The following CCDC141 variants were observed in gnomAD, a reference collection of about 807,000 sequenced individuals.
CCDC141 encodes the protein coiled-coil domain containing 141, also known as coiled-coil domain-containing protein 141.
CCDC141 carries 168 observed loss-of-function variants against 181.0 expected under a neutral mutation model. The observed-to-expected ratio is 0.93, with a 90% CI of 0.82 to 1.05. The LOEUF is 1.05. Among genes scored for constraint, CCDC141 ranks in the 50% least tolerant of loss-of-function variants. The pLI, the probability that CCDC141 is intolerant of heterozygous loss-of-function variation, is 0.00. For missense variants in CCDC141, 1,902 were observed against 1,788.5 expected, an observed-to-expected ratio of 1.06 and a Z score of -1.14; for synonymous variants, 666 against 642.3, an observed-to-expected ratio of 1.04 and a Z score of -0.56.
At chr2:179,015,112 TA>T (rs2042420442) in intron 2 of CCDC141, among the ~76,000 whole-genome samples, 1 of 28,122 alleles carries the variant, frequency 3.6e-5, no homozygotes, top group Non-Finnish European at 1.3e-4. Flanking sequence ...ATAATATATA[TA>T]TAATCATATA....
intron 2 of CCDC141, among the ~76,000 whole-genome samples, chr2:179,006,164 A>T (rs1420711915): frequency 1.3e-5 from 2 of 152,206 alleles, no homozygotes; most frequent in Non-Finnish European, 2.9e-5. Flanking sequence ...CCCTCACTGG[A>T]GTTCTTCCCC....
At chr2:178,982,590 G>A (rs981192192) in intron 2 of CCDC141, among the ~76,000 whole-genome samples, 8 of 152,200 alleles carry the variant, frequency 5.3e-5, no homozygotes, top group African/African-American at 9.7e-5. Context: ...GACAGGGGGC[G>A]CAGGTCAGTG....
At chr2:178,969,905 C>T (rs1690807527) in intron 4 of CCDC141, among the ~76,000 whole-genome samples, 1 of 152,204 alleles carries the variant, frequency 6.6e-6, no homozygotes, top group Non-Finnish European at 1.5e-5. Context: ...TCTCCTTAAG[C>T]TGATATGCAA....
At chr2:179,015,063 CAG>C (rs202000740) in intron 2 of CCDC141, among the ~76,000 whole-genome samples, 53,564 of 68,194 alleles carry the variant, frequency 0.79, 20,542 homozygotes, top group East Asian at 0.83. Context: ...GTGAGAGAGA[CAG>C]AGATATATAT....
intron 7 of CCDC141, among the ~76,000 whole-genome samples, chr2:178,915,065 T>C (rs1274560735): frequency 6.6e-6 from 1 of 151,976 alleles, no homozygotes; most frequent in East Asian, 1.9e-4. Flanking sequence ...CCCAGTTGCC[T>C]GGGAGGCTGA....
chr2:178,909,268 A>T (rs1688117916), intron 7 of CCDC141, among the ~76,000 whole-genome samples: 2 of 152,254 alleles, frequency 1.3e-5, no homozygotes, highest in South Asian at 4.1e-4. Context: ...GAATCAAAAT[A>T]GTCAAATTAT....
chr2:178,902,045 C>T (rs1401703374), intron 8 of CCDC141, among the ~76,000 whole-genome samples: 2 of 152,210 alleles, frequency 1.3e-5, no homozygotes, highest in South Asian at 4.1e-4. Flanking sequence ...ATCCAACTTA[C>T]GAGGGATGTG....
At chr2:179,011,319 C>T (rs2042264568) in intron 2 of CCDC141, among the ~76,000 whole-genome samples, 1 of 152,128 alleles carries the variant, frequency 6.6e-6, no homozygotes, top group South Asian at 2.1e-4. Flanking sequence ...GCAGGGTTAG[C>T]TATCATTATA....
chr2:179,014,615 A>T (rs1212515200), intron 2 of CCDC141, among the ~76,000 whole-genome samples: 3 of 152,160 alleles, frequency 2.0e-5, no homozygotes, highest in Non-Finnish European at 4.4e-5. Context: ...GGCTAAGGAC[A>T]TGCATACACA....
Position 178,839,017 on chromosome 2 carries a change from C to T in CCDC141, c.3475-1273G>A, listed in dbSNP as rs1312657471. Among the ~76,000 whole-genome samples, 3 of 152,166 alleles carry T rather than the reference C, an allele frequency of 2.0e-5. No individual in the cohort carries two copies. In the East Asian group the frequency reaches 5.8e-4, roughly 29 times the overall value. ...TACTTAGTATGTACTGGTTTTTGTC[C>T]TGCAGTAACTGATGCATATAGGAAA... is the stretch of plus-strand genomic sequence containing the variant. On this transcript the variant is annotated intron_variant, in intron 22 of 23. Transcript: ENST00000443758.
the CCDC141 span, among the ~76,000 whole-genome samples, chr2:178,818,332 A>G: frequency 6.6e-6 from 1 of 152,192 alleles, no homozygotes; most frequent in East Asian, 1.9e-4. Flanking sequence ...GGTTTGTTAC[A>G]TAGGTAAACA....
chr2:178,992,237 T>G (rs897235133), intron 2 of CCDC141, among the ~76,000 whole-genome samples: 3 of 151,856 alleles, frequency 2.0e-5, no homozygotes, highest in Admixed American at 6.5e-5. Context: ...ACCTTCTTAT[T>G]TATATCTTTC....
intron 2 of CCDC141, among the ~76,000 whole-genome samples, chr2:179,046,645 G>C (rs1368066091): frequency 1.3e-5 from 2 of 152,186 alleles, no homozygotes; most frequent in African/African-American, 4.8e-5. Context: ...TCAAGAAAAA[G>C]CTTTTCCTTG....
chr2:178,828,306 G>A (rs115324374), downstream of CCDC141, among the ~76,000 whole-genome samples: 1,701 of 152,252 alleles, frequency 0.011, 33 homozygotes, highest in African/African-American at 0.039. Flanking sequence ...ACCGTGTTGC[G>A]TAGCCAGTTT....
At chr2:178,862,491 AATG>A (rs1685664167) in intron 17 of CCDC141, among the ~76,000 whole-genome samples, 1 of 152,252 alleles carries the variant, frequency 6.6e-6, no homozygotes, top group African/African-American at 2.4e-5. Context: ...ATGTGTAAAG[AATG>A]ATGTTTCTGT....
intron 2 of CCDC141, among the ~76,000 whole-genome samples, chr2:179,034,199 T>C (rs1169606201): frequency 6.6e-6 from 1 of 152,174 alleles, no homozygotes; most frequent in African/African-American, 2.4e-5. Context: ...TGCAGTGACA[T>C]AGATGGAGCT....
chr2:178,969,103 C>G (rs556769234), intron 4 of CCDC141, among the ~76,000 whole-genome samples: 1 of 50,542 alleles, frequency 2.0e-5, no homozygotes, highest in South Asian at 9.7e-4. Flanking sequence ...AGCTTACCAA[C>G]CAAAAAAAAA....
chr2:179,015,288 T>TATATCTCATCTATATC (rs1553502900), intron 2 of CCDC141, among the ~76,000 whole-genome samples: 3 of 124,346 alleles, frequency 2.4e-5, no homozygotes, highest in South Asian at 5.3e-4. Context: ...CTATCTCTCA[T>TATATCTCATCTATATC]ATATCTCATA....
intron 2 of CCDC141, among the ~76,000 whole-genome samples, chr2:179,033,511 A>G (rs1320473207): frequency 6.6e-6 from 1 of 152,170 alleles, no homozygotes; most frequent in Non-Finnish European, 1.5e-5. Context: ...TACCTTCTGG[A>G]CAGAATACAA....
Sources: gnomAD v4.1 joint callset for allele counts (sites outside exome capture counted in the v4.1 genomes callset) on GRCh38, gnomAD v4.1.1 for gene constraint, MANE v1.5 for transcripts, NCBI Gene and HGNC (gene_info 2026-07-23, HGNC 2026-07-21) for gene names.